The following MAD1L1 variants were observed in gnomAD, a reference collection of about 807,000 sequenced individuals.
The protein encoded by MAD1L1 is mitotic arrest deficient 1 like 1, also known as mitotic spindle assembly checkpoint protein MAD1.
A neutral mutation model predicts 96.9 loss-of-function variants in MAD1L1; 95 were observed. The ratio of observed to expected loss-of-function variants is 0.98; its 90% CI spans 0.83 to 1.16. The LOEUF (loss-of-function observed/expected upper bound fraction) is 1.16, where lower values mean the gene tolerates loss of function less well. Ranked by LOEUF, MAD1L1 falls within the 50% of genes most tolerant of loss-of-function variation. MAD1L1 has a pLI of 0.00. For synonymous variants in MAD1L1, 473 were observed against 396.6 expected (o/e 1.19, Z -2.29); for missense variants, 1,007 against 954.4 (o/e 1.06, Z -0.73).
At chr7:2,198,930 A>G (rs1043986625) in intron 10 of MAD1L1, among the ~76,000 whole-genome samples, 8 of 152,126 alleles carry the variant, frequency 5.3e-5, no homozygotes, top group Non-Finnish European at 7.4e-5. Context: ...GGCCACAGGA[A>G]GCCGGCGACC....
chr7:1,884,451 G>A (rs1257900213), intron 18 of MAD1L1, among the ~76,000 whole-genome samples: 1 of 152,200 alleles, frequency 6.6e-6, no homozygotes, highest in Non-Finnish European at 1.5e-5. Context: ...CAATGCTCTT[G>A]AGGAGCAACG....
intron 11 of MAD1L1, among the ~76,000 whole-genome samples, chr7:2,116,571 G>T (rs988636300): frequency 5.3e-5 from 8 of 150,756 alleles, no homozygotes; most frequent in South Asian, 2.1e-4. Flanking sequence ...GAGGGTTGGG[G>T]GGGGGGGGGG....
intron 16 of MAD1L1, among the ~76,000 whole-genome samples, chr7:1,944,754 G>C (rs1264906899): frequency 6.6e-6 from 1 of 152,132 alleles, no homozygotes; most frequent in Non-Finnish European, 1.5e-5. Context: ...CCTGCCAGCT[G>C]GGCCCAGACA....
intron 11 of MAD1L1, among the ~76,000 whole-genome samples, chr7:2,090,136 T>C (rs1441727055): frequency 6.6e-6 from 1 of 152,030 alleles, no homozygotes; most frequent in Non-Finnish European, 1.5e-5. Flanking sequence ...ACCAAACACA[T>C]CCAAATGGTC....
intron 17 of MAD1L1, among the ~76,000 whole-genome samples, chr7:1,899,773 CA>C (rs1562503846): frequency 1.3e-5 from 2 of 152,160 alleles, no homozygotes; most frequent in African/African-American, 4.8e-5. Flanking sequence ...GGAGTTTGTG[CA>C]CAGCGGCCCG....
chr7:2,071,267 C>A (rs902904379), intron 11 of MAD1L1, among the ~76,000 whole-genome samples: 13 of 152,230 alleles, frequency 8.5e-5, no homozygotes, highest in Admixed American at 2.6e-4. Flanking sequence ...CCAACACTCA[C>A]AGAACGTCAG....
intron 17 of MAD1L1, among the ~76,000 whole-genome samples, chr7:1,911,699 C>T (rs1788028264): frequency 6.6e-6 from 1 of 152,066 alleles, no homozygotes; most frequent in African/African-American, 2.4e-5. Flanking sequence ...GAACAGGCCC[C>T]TCTTGGGCAT....
At chr7:1,896,851 A>G (rs1464820120) in intron 18 of MAD1L1, among the ~76,000 whole-genome samples, 1 of 152,264 alleles carries the variant, frequency 6.6e-6, no homozygotes, top group Non-Finnish European at 1.5e-5. Context: ...ATAACTGTTC[A>G]TGGTACACCT....
At chr7:1,906,927 C>A (rs1267839889) in intron 17 of MAD1L1, among the ~76,000 whole-genome samples, 1 of 152,228 alleles carries the variant, frequency 6.6e-6, no homozygotes, top group Non-Finnish European at 1.5e-5. Context: ...TCCCTGAACA[C>A]CCGTGTTCAT....
Position 1,927,034 on chromosome 7 carries a change from T to C in MAD1L1, c.1807+9653A>G, listed in dbSNP as rs116284508. ...GTAAGAAGTGAGTTCAGCAAGGTCA[T>C]GGGTTACAAAGCCAGCATAAACATC... On this transcript the variant is annotated intron_variant, in intron 17 of 18. Transcript: ENST00000265854. 3.9e-3 allele frequency among the ~76,000 whole-genome samples: 593 copies of C among 152,246 alleles called. 7 individuals are homozygous for C. Among genetic ancestry groups the C allele is most frequent in the African/African-American group, 0.014 (562 of 41,532 alleles).
intron 11 of MAD1L1, among the ~76,000 whole-genome samples, chr7:2,107,935 T>C (rs1787180527): frequency 1.3e-5 from 2 of 151,422 alleles, no homozygotes; most frequent in African/African-American, 4.9e-5. Context: ...ACACCATAGC[T>C]CTCCACAGAA....
chr7:1,978,996 C>T (rs73047999), intron 15 of MAD1L1, among the ~76,000 whole-genome samples: 5,182 of 152,328 alleles, frequency 0.034, 189 homozygotes, highest in Admixed American at 0.097. Flanking sequence ...GGAGGAACAT[C>T]GAATCTAGAA....
intron 18 of MAD1L1, among the ~76,000 whole-genome samples, chr7:1,818,657 CA>C (rs1175707945): frequency 6.6e-6 from 1 of 152,020 alleles, no homozygotes; most frequent in East Asian, 1.9e-4. Flanking sequence ...CCTCCTGCCT[CA>C]GCTGCCCACG....
chr7:2,039,483 G>T (rs1262394798), intron 12 of MAD1L1, among the ~76,000 whole-genome samples: 1 of 152,178 alleles, frequency 6.6e-6, no homozygotes, highest in East Asian at 1.9e-4. Context: ...CATCAGCAAG[G>T]CACCAGAGAT....
At chr7:1,844,982 C>T (rs1242224697) in intron 18 of MAD1L1, among the ~76,000 whole-genome samples, 2 of 152,298 alleles carry the variant, frequency 1.3e-5, no homozygotes, top group South Asian at 2.1e-4. Flanking sequence ...GACAGGGGTG[C>T]GGGGAGGAGG....
At chr7:2,198,909 G>A (rs1364467048) in intron 10 of MAD1L1, among the ~76,000 whole-genome samples, 2 of 152,268 alleles carry the variant, frequency 1.3e-5, no homozygotes, top group African/African-American at 2.4e-5. Flanking sequence ...CAGCCACTCG[G>A]AGGACACACA....
intron 12 of MAD1L1, among the ~76,000 whole-genome samples, chr7:2,058,605 G>A (rs1294999518): frequency 1.3e-5 from 1 of 79,866 alleles, no homozygotes; most frequent in African/African-American, 5.1e-5. Flanking sequence ...GGAGAGGCGC[G>A]GGGCTAGAGT....
intron 17 of MAD1L1, among the ~76,000 whole-genome samples, chr7:1,936,037 C>T (rs1778578211): frequency 6.6e-6 from 1 of 152,246 alleles, no homozygotes; most frequent in African/African-American, 2.4e-5. Flanking sequence ...GCCCCACAGC[C>T]TCGCTGGGGG....
At chr7:1,862,934 T>C (rs1000830321) in intron 18 of MAD1L1, among the ~76,000 whole-genome samples, 7 of 152,198 alleles carry the variant, frequency 4.6e-5, no homozygotes, top group African/African-American at 1.7e-4. Context: ...CAGGGTCCCA[T>C]GGGCACTAGA....
Sources: allele counts gnomAD v4.1 joint callset (sites outside exome capture counted in the v4.1 genomes callset), GRCh38; gene constraint gnomAD v4.1.1; transcripts MANE v1.5; gene names NCBI Gene and HGNC (gene_info 2026-07-23, HGNC 2026-07-21).